IL1RAPL1: variants seen among roughly 807,000 people sequenced by gnomAD.
The protein encoded by IL1RAPL1 is interleukin-1 receptor accessory protein-like 1.
IL1RAPL1 carries 3 observed loss-of-function variants against 48.4 expected under a neutral mutation model. That is an observed-to-expected ratio of 0.06 (90% CI 0.03 to 0.16). The LOEUF (loss-of-function observed/expected upper bound fraction) is 0.16. Among genes scored for constraint, IL1RAPL1 ranks in the 10% least tolerant of loss-of-function variants. The pLI, the probability that IL1RAPL1 is intolerant of heterozygous loss-of-function variation, is 1.00. For synonymous variants in IL1RAPL1, 185 were observed against 187.7 expected, an observed-to-expected ratio of 0.99 and a Z score of 0.12; for missense variants, 349 against 530.6, an observed-to-expected ratio of 0.66 and a Z score of 3.36.
At chrX:28,962,796 G>A (rs1171964558) in intron 2 of IL1RAPL1, among the ~76,000 whole-genome samples, 1 of 109,904 alleles carries the variant, frequency 9.1e-6, no homozygotes, top group Non-Finnish European at 1.9e-5. Context: ...TAAGAAATTT[G>A]AGAATCCTCA....
At chrX:29,772,406 C>T (rs1929091275) in intron 6 of IL1RAPL1, among the ~76,000 whole-genome samples, 1 of 110,649 alleles carries the variant, frequency 9.0e-6, no homozygotes, top group Non-Finnish European at 1.9e-5. Flanking sequence ...GATAATATCA[C>T]CATCAAAAAT....
intron 2 of IL1RAPL1, among the ~76,000 whole-genome samples, chrX:28,952,088 A>G (rs1182897553): frequency 9.0e-6 from 1 of 111,305 alleles, no homozygotes; most frequent in Admixed American, 9.6e-5. Flanking sequence ...GGTACCGTAG[A>G]GAATTTCCCC....
At chrX:28,689,183 A>G (rs935944597) in intron 1 of IL1RAPL1, among the ~76,000 whole-genome samples, 1 of 110,855 alleles carries the variant, frequency 9.0e-6, no homozygotes, top group Non-Finnish European at 1.9e-5. Flanking sequence ...CCCCCATGTT[A>G]TGGTTTGGCT....
At chrX:28,981,838 TCAACCCCTAA>T (rs1925349816) in intron 2 of IL1RAPL1, among the ~76,000 whole-genome samples, 1 of 111,405 alleles carries the variant, frequency 9.0e-6, no homozygotes. Flanking sequence ...GTATCCTAAC[TCAACCCCTAA>T]TTATCCCCAG....
At chrX:28,701,838 G>A (rs1005419803) in intron 1 of IL1RAPL1, among the ~76,000 whole-genome samples, 14 of 111,284 alleles carry the variant, frequency 1.3e-4, no homozygotes, top group African/African-American at 3.9e-4. Context: ...TAATTTAAAT[G>A]AGGTTAGAAA....
chrX:29,371,942 T>G (rs1275271524), intron 3 of IL1RAPL1, among the ~76,000 whole-genome samples: 3 of 112,238 alleles, frequency 2.7e-5, no homozygotes, highest in Non-Finnish European at 5.6e-5. Context: ...TTTATTTTCC[T>G]CTGGGTATAT....
At chrX:28,957,309 T>G (rs1354808982) in intron 2 of IL1RAPL1, among the ~76,000 whole-genome samples, 1 of 111,864 alleles carries the variant, frequency 8.9e-6, no homozygotes, top group Non-Finnish European at 1.9e-5. Flanking sequence ...ATTACTAATC[T>G]TTAACTCATT....
chrX:28,818,851 G>A (rs1013390671), intron 2 of IL1RAPL1, among the ~76,000 whole-genome samples: 7 of 110,390 alleles, frequency 6.3e-5, no homozygotes, highest in African/African-American at 1.6e-4. Context: ...TTTTTCTCCC[G>A]TACACTCTAG....
chrX:29,342,314 T>A (rs1933094764), intron 3 of IL1RAPL1, among the ~76,000 whole-genome samples: 1 of 111,763 alleles, frequency 8.9e-6, no homozygotes, highest in African/African-American at 3.3e-5. Flanking sequence ...TGCTAGGCAT[T>A]GGAGATTAAA....
At position 28,668,408 on chromosome X, in the gene IL1RAPL1, A is replaced by G. The variant is rs747330018; in HGVS notation, c.-25+80361A>G. ...AGAGTAGCTGGTATTACAGGCACAC[A>G]CCACCATACCCGGCTAATTTTTTGT... On this transcript the variant is annotated intron_variant, in intron 1 of 10. Transcript: ENST00000378993. Among the ~76,000 whole-genome samples the G allele has an allele frequency of 6.2e-3, 689 of 111,748 alleles. 10 individuals carry two copies. The highest frequency in any genetic ancestry group is 0.022 in the African/African-American group (671 of 30,809).
chrX:29,766,342 A>AAAAAAAAATAT (rs1200679211), intron 6 of IL1RAPL1, among the ~76,000 whole-genome samples: 1 of 47,542 alleles, frequency 2.1e-5, no homozygotes, highest in African/African-American at 9.0e-5. Context: ...AAAAAAAAAA[A>AAAAAAAAATAT]ATATATATAT....
intron 5 of IL1RAPL1, among the ~76,000 whole-genome samples, chrX:29,484,662 G>A (rs1436656986): frequency 8.9e-6 from 1 of 111,808 alleles, no homozygotes; most frequent in Non-Finnish European, 1.9e-5. Context: ...AAGTGAGAAA[G>A]TGCATGTTGA....
At chrX:29,119,147 G>C (rs1322593204) in intron 2 of IL1RAPL1, among the ~76,000 whole-genome samples, 1 of 110,567 alleles carries the variant, frequency 9.0e-6, no homozygotes, top group African/African-American at 3.3e-5. Context: ...TAAATATATA[G>C]TTACATAAAA....
At chrX:28,728,761 A>G (rs1447620555) in intron 1 of IL1RAPL1, among the ~76,000 whole-genome samples, 1 of 111,753 alleles carries the variant, frequency 8.9e-6, no homozygotes, top group Non-Finnish European at 1.9e-5. Flanking sequence ...ACACTTTTTT[A>G]TAATGAATAT....
intron 1 of IL1RAPL1, among the ~76,000 whole-genome samples, chrX:28,776,180 C>T (rs1936361049): frequency 9.0e-6 from 1 of 111,456 alleles, no homozygotes; most frequent in Non-Finnish European, 1.9e-5. Context: ...TAAGTAGATT[C>T]TGGAAAGTAG....
chrX:29,303,770 C>G (rs766113600), intron 3 of IL1RAPL1, among the ~76,000 whole-genome samples: 1 of 111,731 alleles, frequency 9.0e-6, no homozygotes, highest in Non-Finnish European at 1.9e-5. Flanking sequence ...CAATCAAAGA[C>G]CTTTCATTTT....
At chrX:29,419,549 G>C (rs181022398) in intron 5 of IL1RAPL1, among the ~76,000 whole-genome samples, 33 of 111,516 alleles carry the variant, frequency 3.0e-4, no homozygotes, top group Non-Finnish European at 5.1e-4. Context: ...TTGAACTCCT[G>C]ACCTCAGGTG....
intron 2 of IL1RAPL1, among the ~76,000 whole-genome samples, chrX:29,272,368 G>A (rs952422166): frequency 1.8e-5 from 2 of 111,493 alleles, no homozygotes; most frequent in African/African-American, 3.3e-5. Flanking sequence ...TTCTGTTATT[G>A]TTCTGTTCAA....
chrX:28,779,821 A>G (rs1478303547), intron 1 of IL1RAPL1, among the ~76,000 whole-genome samples: 1 of 106,533 alleles, frequency 9.4e-6, no homozygotes, highest in African/African-American at 3.5e-5. Context: ...TAAGTAAATT[A>G]AAAAAGAAAT....
Sources: allele counts gnomAD v4.1 joint callset (sites outside exome capture counted in the v4.1 genomes callset), GRCh38; gene constraint gnomAD v4.1.1; transcripts MANE v1.5; gene names NCBI Gene and HGNC (gene_info 2026-07-23, HGNC 2026-07-21).